The following USP4 variants were observed in gnomAD, a reference collection of about 807,000 sequenced individuals.
USP4 encodes ubiquitin specific peptidase 4.
A neutral mutation model predicts 118.2 loss-of-function variants in USP4; 72 were observed. That is an observed-to-expected ratio of 0.61 (90% CI 0.50 to 0.74). The LOEUF is 0.74. Ranked by LOEUF, USP4 falls within the 30% of genes least tolerant of loss-of-function variation. The pLI, the probability that USP4 is intolerant of heterozygous loss-of-function variation, is 0.00. For missense variants in USP4, 1,037 were observed against 1,185.7 expected (o/e 0.87, Z 1.84); for synonymous variants, 415 against 440.4 (o/e 0.94, Z 0.72).
chr3:49,335,115 G>A (rs2047655576), intron 2 of USP4, among the ~76,000 whole-genome samples: 2 of 152,116 alleles, frequency 1.3e-5, no homozygotes, highest in African/African-American at 4.8e-5. Context: ...CCACTGCAAA[G>A]GTAACAAAAA....
chr3:49,336,007 G>T (rs2047665588), intron 1 of USP4, among the ~76,000 whole-genome samples: 2 of 151,914 alleles, frequency 1.3e-5, no homozygotes, highest in Admixed American at 6.6e-5. Context: ...GGGATTACAG[G>T]CACCTGTCAC....
chr3:49,303,483 A>C (rs930187697), intron 9 of USP4, among the ~76,000 whole-genome samples: 8 of 150,090 alleles, frequency 5.3e-5, no homozygotes, highest in South Asian at 2.1e-4. Flanking sequence ...ACTGTTCTAC[A>C]CCTGTTCTCT....
chr3:49,297,412 T>A (rs558034819), intron 13 of USP4, among the ~76,000 whole-genome samples: 8 of 152,320 alleles, frequency 5.3e-5, no homozygotes, highest in Admixed American at 2.0e-4. Context: ...AACAGCTGTT[T>A]AAATCAGCCC....
At position 49,287,938 on chromosome 3, in the gene USP4, G is replaced by A. The variant is rs34719671; in HGVS notation, c.1973-1613C>T. On this transcript the variant is annotated intron_variant, in intron 15 of 21. Coordinates refer to ENST00000265560, the MANE Select transcript of USP4 (RefSeq NM_003363.4). ...CACACAGTCTAAAGTGAAAGTTAAA[G>A]TATCAAATAAGTAACTTTAGCAAAG... is the stretch of plus-strand genomic sequence containing the variant. Among the ~76,000 whole-genome samples the A allele has an allele frequency of 1.2e-3, 190 of 152,282 alleles. 1 individual carries two copies. Among genetic ancestry groups the A allele is most frequent in the Non-Finnish European group, 2.0e-3 (137 of 68,030 alleles).
chr3:49,313,036 G>A (rs1158205378), intron 6 of USP4, among the ~76,000 whole-genome samples: 5 of 150,888 alleles, frequency 3.3e-5, no homozygotes, highest in Non-Finnish European at 5.9e-5. Context: ...GACTACAGGC[G>A]CGTGCCACCA....
intron 15 of USP4, among the ~76,000 whole-genome samples, chr3:49,289,669 G>A (rs941159669): frequency 2.0e-5 from 3 of 151,936 alleles, no homozygotes; most frequent in African/African-American, 4.8e-5. Flanking sequence ...TCAGGAATTC[G>A]AGACCAGCCT....
rs1028609559 is a variant in USP4 at position 49,311,610 on chromosome 3, G to T, written c.740C>A (p.Ser247Ter). The T allele has an allele frequency of 1.2e-6, 2 of 1,613,884 alleles. No individual in the cohort carries two copies. The highest frequency in any genetic ancestry group is 3.3e-5 in the Admixed American group (2 of 59,984). ...PSRNFTTSPKSSASPYSSVSA... is the reference protein window; with the variant it reads ...PSRNFTTSPK The stretch of plus-strand genomic sequence containing the variant: ...CACTGAGGAATAGGGACTTGCTGAT[G>T]ATTTTGGAGAGGTAGTAAAATTTCT... Residue 247 changes from serine (S) to a stop codon, truncating the protein, a stop_gained, in exon 7 of 22, where the codon TCA (serine) becomes TAA (stop). Transcript: ENST00000265560. LOFTEE classifies it high-confidence loss of function.
rs538091703 is a variant in USP4, at chr3:49,307,071, C to T, written c.955-1183G>A. Among the ~76,000 whole-genome samples, 8 of 152,152 alleles carry T rather than the reference C, an allele frequency of 5.3e-5. 1 individual carries two copies. The highest frequency in any genetic ancestry group is 1.7e-4 in the African/African-American group (7 of 41,516). On this transcript the variant is annotated intron_variant, in intron 8 of 21. Transcript: ENST00000265560. ...AGTGCTGGGAGCCACCGCGCCCAGC[C>T]GGAAAATAATTTCAAAACCCAAGGG... is the stretch of plus-strand genomic sequence containing the variant.
At position 49,317,776 on chromosome 3, in the gene USP4, T is replaced by G. The variant is rs543370474; in HGVS notation, c.696-6122A>C. Among the ~76,000 whole-genome samples the G allele has an allele frequency of 1.5e-4, 22 of 150,764 alleles. 1 individual carries two copies. The highest frequency in any genetic ancestry group is 5.4e-4 in the African/African-American group (22 of 41,110). ...ACTGTGTTAGCCAGGATGGTCTCAA[T>G]CTCCTGACCTCGTGATCCGCCCGCC... On this transcript the variant is annotated intron_variant, in intron 6 of 21. Coordinates refer to ENST00000265560, the MANE Select transcript of USP4 (RefSeq NM_003363.4).
chr3:49,324,361 G>A (rs2047530044), intron 6 of USP4, among the ~76,000 whole-genome samples: 1 of 152,068 alleles, frequency 6.6e-6, no homozygotes, highest in Non-Finnish European at 1.5e-5. Context: ...ATCCATCAAG[G>A]CCTCTAACTA....
At chr3:49,322,787 A>AG (rs71077788) in intron 6 of USP4, among the ~76,000 whole-genome samples, 151,417 of 151,418 alleles carry the variant, frequency 1, 75,708 homozygotes, top group Middle Eastern at 1. Flanking sequence ...TGAACCCGGG[A>AG]GTGGGGGTGC....
chr3:49,322,718 G>C (rs187046520), intron 6 of USP4, among the ~76,000 whole-genome samples: 80 of 152,066 alleles, frequency 5.3e-4, no homozygotes, highest in African/African-American at 1.8e-3. Flanking sequence ...AAAATTAGCT[G>C]GGCATGGTGG....
At chr3:49,288,810 A>G (rs1333699236) in intron 15 of USP4, among the ~76,000 whole-genome samples, 1 of 152,104 alleles carries the variant, frequency 6.6e-6, no homozygotes, top group Non-Finnish European at 1.5e-5. Context: ...AGTAGAGGTT[A>G]AAAATGCTTT....
chr3:49,287,693 G>A (rs1240946304), intron 15 of USP4, among the ~76,000 whole-genome samples: 3 of 152,058 alleles, frequency 2.0e-5, no homozygotes, highest in East Asian at 1.9e-4. Context: ...AGCAGGTCTC[G>A]AACTCCAGCC....
At chr3:49,286,913 G>A (rs1490143260) in intron 15 of USP4, among the ~76,000 whole-genome samples, 3 of 151,838 alleles carry the variant, frequency 2.0e-5, no homozygotes, top group Admixed American at 6.6e-5. Context: ...GCAATGGCAC[G>A]ATCTCGGCTC....
At chr3:49,281,487 T>TACACAC (rs1214724342) in intron 19 of USP4, among the ~76,000 whole-genome samples, 13 of 113,420 alleles carry the variant, frequency 1.1e-4, no homozygotes, top group Admixed American at 9.5e-4. Flanking sequence ...TATATATATA[T>TACACAC]ATATACACAC....
intron 6 of USP4, among the ~76,000 whole-genome samples, chr3:49,320,749 C>T (rs1292398986): frequency 7.2e-5 from 11 of 151,840 alleles, no homozygotes; most frequent in Admixed American, 4.6e-4. Context: ...TCTTTTTTTT[C>T]CCCCTTTTTC....
chr3:49,326,190 G>A (rs1345488774), intron 3 of USP4, among the ~76,000 whole-genome samples: 1 of 151,974 alleles, frequency 6.6e-6, no homozygotes, highest in Non-Finnish European at 1.5e-5. Flanking sequence ...GGTGGCATGT[G>A]CCTGTAATCC....
chr3:49,310,965 T>G (rs1229517869), intron 7 of USP4, among the ~76,000 whole-genome samples: 1 of 152,160 alleles, frequency 6.6e-6, no homozygotes, highest in East Asian at 1.9e-4. Flanking sequence ...TGAATTTTCC[T>G]CTGTTAGGCT....
Sources: allele counts gnomAD v4.1 joint callset (sites outside exome capture counted in the v4.1 genomes callset), GRCh38; gene constraint gnomAD v4.1.1; transcripts MANE v1.5; gene names NCBI Gene and HGNC (gene_info 2026-07-23, HGNC 2026-07-21).